MAGI2: variants seen among roughly 807,000 people sequenced by gnomAD.
The protein encoded by MAGI2 is membrane associated guanylate kinase, WW and PDZ domain containing 2.
Under a neutral mutation model 133.3 loss-of-function variants are expected in MAGI2, and 35 were observed. The observed-to-expected ratio is 0.26, with a 90% CI of 0.20 to 0.35. The LOEUF is 0.35. Among genes scored for constraint, MAGI2 ranks in the 10% least tolerant of loss-of-function variants. The pLI is 1.00. For missense variants in MAGI2, 1,636 were observed against 1,863.4 expected (o/e 0.88, Z 2.25); for synonymous variants, 729 against 710.6 (o/e 1.03, Z -0.41).
intron 1 of MAGI2, among the ~76,000 whole-genome samples, chr7:79,285,214 T>G (rs1835913605): frequency 6.6e-6 from 1 of 152,106 alleles, no homozygotes; most frequent in Non-Finnish European, 1.5e-5. Context: ...AGTCCCAGTT[T>G]AAATATCCAT....
rs978612468 is a variant in MAGI2, at chr7:78,557,014, C to G, written c.539-35369G>C. Among the ~76,000 whole-genome samples, 3 of 138,900 alleles carry G rather than the reference C, an allele frequency of 2.2e-5. No homozygotes were observed. The East Asian group carries it at 6.5e-4, about 30-fold the overall frequency. The allele number at this position is 138,900 out of a possible 152,430, so 91.1% of individuals were successfully genotyped here. A position where few individuals can be genotyped will look rare whatever the true frequency, so the allele number is the denominator to read the frequency against. On this transcript the variant is annotated intron_variant, in intron 3 of 21. Coordinates refer to ENST00000354212, the MANE Select transcript of MAGI2 (RefSeq NM_012301.4). The stretch of plus-strand genomic sequence containing the variant: ...GCTGAGGCAGAAGAATGGTGTTAAT[C>G]GGGCAGATGGAGCTTGCAGTGAGCT...
intron 10 of MAGI2, among the ~76,000 whole-genome samples, chr7:78,211,906 C>A (rs868123197): frequency 2.6e-5 from 4 of 152,070 alleles, no homozygotes; most frequent in Admixed American, 6.5e-5. Flanking sequence ...TGTTTTCATC[C>A]CATTGGAGTT....
chr7:78,678,189 A>T (rs1469699126), intron 2 of MAGI2, among the ~76,000 whole-genome samples: 1 of 152,044 alleles, frequency 6.6e-6, no homozygotes, highest in East Asian at 1.9e-4. Context: ...GTTTTCATGA[A>T]TTTCACCTTT....
intron 1 of MAGI2, among the ~76,000 whole-genome samples, chr7:79,048,780 C>A (rs1812406966): frequency 6.6e-6 from 1 of 151,986 alleles, no homozygotes; most frequent in African/African-American, 2.4e-5. Context: ...TCGAGACCAG[C>A]CTGGCCAACA....
At chr7:78,826,802 G>C (rs953608377) in intron 2 of MAGI2, among the ~76,000 whole-genome samples, 1 of 152,100 alleles carries the variant, frequency 6.6e-6, no homozygotes, top group East Asian at 1.9e-4. Flanking sequence ...AAATTGAGTG[G>C]AGTCTAGGAC....
chr7:79,158,452 A>G (rs1824034097), intron 1 of MAGI2, among the ~76,000 whole-genome samples: 1 of 152,192 alleles, frequency 6.6e-6, no homozygotes, highest in African/African-American at 2.4e-5. Context: ...TATTGGTAAA[A>G]TGATATTAAA....
chr7:78,790,650 T>G (rs2151367495), intron 2 of MAGI2, among the ~76,000 whole-genome samples: 1 of 152,214 alleles, frequency 6.6e-6, no homozygotes, highest in East Asian at 1.9e-4. Flanking sequence ...AGCAGGCTGG[T>G]TTAGAACTCC....
intron 2 of MAGI2, among the ~76,000 whole-genome samples, chr7:78,922,660 T>C (rs1394733380): frequency 2.0e-5 from 3 of 152,158 alleles, no homozygotes; most frequent in African/African-American, 7.2e-5. Flanking sequence ...CATAACTGTG[T>C]ATGTGTCTTT....
chr7:78,937,434 AC>A (rs1430920842), intron 2 of MAGI2, among the ~76,000 whole-genome samples: 2 of 152,160 alleles, frequency 1.3e-5, no homozygotes, highest in Non-Finnish European at 2.9e-5. Flanking sequence ...ATAGTTGCAG[AC>A]AAAAATTATT....
chr7:78,737,458 C>G (rs1821973741), intron 2 of MAGI2, among the ~76,000 whole-genome samples: 1 of 152,144 alleles, frequency 6.6e-6, no homozygotes, highest in South Asian at 2.1e-4. Context: ...AAGAAACTAC[C>G]ACTAATCAAA....
chr7:79,078,955 CTT>C lies in MAGI2; in HGVS notation c.302-71751_302-71750del, dbSNP rs1314130920. Reference sequence around the variant, plus strand: ...ATGCAGGAAGAAAATAATTAAAATACTTCCATTCTTTACTCAATCTTTCATAG... The same window carrying C: ...ATGCAGGAAGAAAATAATTAAAATACCCATTCTTTACTCAATCTTTCATAG... On this transcript the variant is annotated intron_variant, in intron 1 of 21. Coordinates refer to ENST00000354212, the MANE Select transcript of MAGI2 (RefSeq NM_012301.4). 3.3e-5 allele frequency among the ~76,000 whole-genome samples: 5 copies of C among 152,100 alleles called. No homozygotes were observed. The East Asian group carries it at 9.6e-4, about 29-fold the overall frequency.
chr7:78,459,855 CAT>C (rs766787778), intron 6 of MAGI2, among the ~76,000 whole-genome samples: 2 of 152,092 alleles, frequency 1.3e-5, no homozygotes, highest in African/African-American at 2.4e-5. Context: ...ACAAGAAAAA[CAT>C]AGAAGTACCT....
Position 79,041,719 on chromosome 7 carries a change from T to G in MAGI2, c.302-34513A>C, listed in dbSNP as rs1811686323. Among the ~76,000 whole-genome samples, 5 of 152,158 alleles carry G rather than the reference T, an allele frequency of 3.3e-5. No individual in the cohort carries two copies. In the South Asian group the frequency reaches 1.0e-3, roughly 31 times the overall value. On this transcript the variant is annotated intron_variant, in intron 1 of 21. Coordinates refer to ENST00000354212, the MANE Select transcript of MAGI2 (RefSeq NM_012301.4). ...AAATAGGCTGACACATAATTTCAAA[T>G]GTTTCTGACATATTTCTAAGATGAC...
chr7:79,403,315 GTTT>G (rs1845594258), intron 1 of MAGI2, among the ~76,000 whole-genome samples: 1 of 151,942 alleles, frequency 6.6e-6, no homozygotes, highest in East Asian at 1.9e-4. Context: ...TTTAGTGCAT[GTTT>G]TCTTCGTATT....
intron 1 of MAGI2, among the ~76,000 whole-genome samples, chr7:79,346,979 C>T (rs1841365224): frequency 6.6e-6 from 1 of 151,996 alleles, no homozygotes; most frequent in Admixed American, 6.6e-5. Context: ...CTTGAACATC[C>T]TGAGTCACTG....
At chr7:79,047,273 A>C (rs1204349329) in intron 1 of MAGI2, among the ~76,000 whole-genome samples, 2 of 152,178 alleles carry the variant, frequency 1.3e-5, no homozygotes, top group African/African-American at 4.8e-5. Flanking sequence ...TCATTTTACA[A>C]TAAAATAATG....
intron 6 of MAGI2, among the ~76,000 whole-genome samples, chr7:78,452,992 GA>G (rs1048933436): frequency 7.2e-5 from 11 of 151,864 alleles, no homozygotes; most frequent in African/African-American, 1.5e-4. Context: ...AATAATTTTT[GA>G]AATTTTTTTT....
At chr7:78,287,766 T>C (rs1796292117) in intron 9 of MAGI2, among the ~76,000 whole-genome samples, 3 of 152,184 alleles carry the variant, frequency 2.0e-5, no homozygotes, top group Admixed American at 1.3e-4. Flanking sequence ...ATAGCAATCA[T>C]TTAAAAGTGT....
At chr7:78,392,622 G>C (rs989413670) in intron 6 of MAGI2, among the ~76,000 whole-genome samples, 2 of 152,000 alleles carry the variant, frequency 1.3e-5, no homozygotes, top group Non-Finnish European at 2.9e-5. Context: ...ACTTATCCAC[G>C]CACTTGTATT....
Sources: allele counts gnomAD v4.1 joint callset (sites outside exome capture counted in the v4.1 genomes callset), GRCh38; gene constraint gnomAD v4.1.1; transcripts MANE v1.5; gene names NCBI Gene and HGNC (gene_info 2026-07-23, HGNC 2026-07-21).